Variants in CPA3 observed in about 807,000 individuals in gnomAD.
CPA3 encodes carboxypeptidase A3.
CPA3 carries 52 observed loss-of-function variants against 55.8 expected under a neutral mutation model. The observed-to-expected ratio is 0.93, with a 90% CI of 0.75 to 1.17. CPA3 has a LOEUF of 1.17. Ranked by LOEUF, CPA3 falls within the 50% of genes most tolerant of loss-of-function variation. The pLI, the probability that CPA3 is intolerant of heterozygous loss-of-function variation, is 0.00. For missense variants in CPA3, 547 were observed against 509.1 expected (o/e 1.07, Z -0.72); for synonymous variants, 179 against 171.2 (o/e 1.05, Z -0.36).
chr3:148,865,398 C>T (rs370306676), intron 1 of CPA3, 23 bp downstream of exon 1: 264 of 1,613,712 alleles, frequency 1.6e-4, no homozygotes, highest in Admixed American at 4.5e-4. Context: ...TCCTGTGTTC[C>T]AGTCTCTGTG....
At chr3:148,866,390 T>C (rs1311304852) in intron 2 of CPA3, among the ~76,000 whole-genome samples, 3 of 152,214 alleles carry the variant, frequency 2.0e-5, no homozygotes, top group African/African-American at 4.8e-5. Context: ...GCAAGGAGAA[T>C]TTCCATAGTC....
intron 6 of CPA3, among the ~76,000 whole-genome samples, chr3:148,880,342 T>C (rs1253727618): frequency 6.6e-6 from 1 of 151,746 alleles, no homozygotes; most frequent in East Asian, 1.9e-4. Context: ...TTTCTTTTTT[T>C]TTTTTTTGAG....
At chr3:148,892,856 T>TTGTCCCGGCTACTTGGGAGGCTG (rs1559972062) in intron 10 of CPA3, among the ~76,000 whole-genome samples, 4 of 151,128 alleles carry the variant, frequency 2.6e-5, no homozygotes. Context: ...CAGGCGCCTG[T>TTGTCCCGGCTACTTGGGAGGCTG]AGAGAGGAGA....
At chr3:148,884,448 A>G (rs1452070337) in intron 9 of CPA3, among the ~76,000 whole-genome samples, 1 of 152,220 alleles carries the variant, frequency 6.6e-6, no homozygotes, top group East Asian at 1.9e-4. Context: ...GCATAGAGGG[A>G]TAAATATTTT....
At chr3:148,875,988 A>C (rs569812456) in intron 3 of CPA3, among the ~76,000 whole-genome samples, 2 of 152,282 alleles carry the variant, frequency 1.3e-5, no homozygotes, top group South Asian at 4.1e-4. Flanking sequence ...CAAGGAAAAA[A>C]AGAAATAGTT....
intron 2 of CPA3, among the ~76,000 whole-genome samples, chr3:148,867,585 C>G (rs1713938851): frequency 6.6e-6 from 1 of 152,254 alleles, no homozygotes; most frequent in South Asian, 2.1e-4. Flanking sequence ...TAAGATGGCT[C>G]TGCCTAACTT....
chr3:148,872,247 T>C (rs989126493), intron 3 of CPA3, among the ~76,000 whole-genome samples: 3 of 152,128 alleles, frequency 2.0e-5, no homozygotes, highest in Admixed American at 2.0e-4. Context: ...CAAACAAATA[T>C]CAAAGGGAAG....
At chr3:148,871,839 A>G (rs766661099) in intron 3 of CPA3, among the ~76,000 whole-genome samples, 1 of 152,222 alleles carries the variant, frequency 6.6e-6, no homozygotes, top group Non-Finnish European at 1.5e-5. Flanking sequence ...TGCAGACAAG[A>G]ACTACTTAAA....
intron 10 of CPA3, among the ~76,000 whole-genome samples, chr3:148,894,045 A>C (rs1714754559): frequency 6.6e-6 from 1 of 152,248 alleles, no homozygotes; most frequent in African/African-American, 2.4e-5. Flanking sequence ...AGAAGGAAAT[A>C]ATCACAGCAA....
chr3:148,885,478 T>C (rs539913778), intron 9 of CPA3, among the ~76,000 whole-genome samples: 161 of 149,230 alleles, frequency 1.1e-3, no homozygotes, highest in African/African-American at 3.8e-3. Flanking sequence ...TGGCGCAATC[T>C]TGGCTCACTA....
Position 148,879,804 on chromosome 3 carries a change from AAAGAAGAAAGGCTATTTTTACGG to A in CPA3, c.493_515del (p.Arg165LeufsTer49). ...TTTAAATAGATTGGGGAAAAGAATG[AAAGAAGAAAGGCTATTTTTACGG>A]ATTGTGGCATTCACGCACGAGAATG... is the stretch of plus-strand genomic sequence containing the variant. On this transcript the variant is annotated frameshift_variant, in exon 6 of 11. Coordinates refer to ENST00000296046, the MANE Select transcript of CPA3 (RefSeq NM_001870.4). LOFTEE classifies it high-confidence loss of function. 6.2e-7 allele frequency: 1 copy of A among 1,609,574 alleles called. No individual in the cohort carries two copies.
At position 148,867,975 on chromosome 3, in the gene CPA3, A is replaced by G. The variant is rs59202854; in HGVS notation, c.145-940A>G. On this transcript the variant is annotated intron_variant, in intron 2 of 10. Coordinates refer to ENST00000296046, the MANE Select transcript of CPA3 (RefSeq NM_001870.4). ...CAATAGCGAGATCTCGGCTCACTGC[A>G]ACCTCCACCTCCCAGGTTCAAGCAA... is the stretch of plus-strand genomic sequence containing the variant. 5.9e-3 allele frequency among the ~76,000 whole-genome samples: 905 copies of G among 152,234 alleles called. 9 individuals are homozygous for G. Among genetic ancestry groups the G allele is most frequent in the African/African-American group, 0.021 (868 of 41,536 alleles).
intron 10 of CPA3, among the ~76,000 whole-genome samples, chr3:148,891,248 A>C (rs756946485): frequency 7.9e-5 from 12 of 152,174 alleles, no homozygotes; most frequent in Non-Finnish European, 1.3e-4. Context: ...TTATTACTGT[A>C]TTTTATAAAT....
At chr3:148,887,353 A>G (rs1333781457) in intron 10 of CPA3, among the ~76,000 whole-genome samples, 1 of 152,172 alleles carries the variant, frequency 6.6e-6, no homozygotes, top group East Asian at 1.9e-4. Context: ...TGGAGTCTTT[A>G]CAAGTTAGGC....
chr3:148,868,016 C>T (rs145920926), intron 2 of CPA3, among the ~76,000 whole-genome samples: 5 of 152,298 alleles, frequency 3.3e-5, no homozygotes, highest in African/African-American at 7.2e-5. Context: ...CTGCATCAGC[C>T]TCCCGAGTAG....
chr3:148,873,374 C>CGT (rs1308215307), intron 3 of CPA3, among the ~76,000 whole-genome samples: 1,457 of 120,022 alleles, frequency 0.012, 50 homozygotes, highest in Admixed American at 0.089. Flanking sequence ...CGCGCGCACA[C>CGT]GCGCACACAC....
chr3:148,879,063 C>T (rs1011995802), intron 5 of CPA3, among the ~76,000 whole-genome samples: 6 of 152,152 alleles, frequency 3.9e-5, no homozygotes, highest in African/African-American at 1.2e-4. Context: ...TGCAGTGAAA[C>T]TGATGAATGA....
At chr3:148,894,802 C>T (rs1714780656) in intron 10 of CPA3, among the ~76,000 whole-genome samples, 3 of 152,022 alleles carry the variant, frequency 2.0e-5, no homozygotes, top group African/African-American at 7.2e-5. Context: ...ACCAATTTCA[C>T]CTATGATGTC....
Position 148,879,389 on chromosome 3 carries a change from T to A in CPA3, c.475-399T>A, listed in dbSNP as rs1714298993. Among the ~76,000 whole-genome samples, 3 of 152,068 alleles carry A rather than the reference T, an allele frequency of 2.0e-5. No homozygotes were observed. The South Asian group carries it at 6.2e-4, about 32-fold the overall frequency. ...TTCCCCACTCCAACACAACACAAGA[T>A]CTTCTCCATTCCAGGGTAAATATCC... On this transcript the variant is annotated intron_variant, in intron 5 of 10. Coordinates refer to ENST00000296046, the MANE Select transcript of CPA3 (RefSeq NM_001870.4).
Sources: gnomAD v4.1 joint callset for allele counts (sites outside exome capture counted in the v4.1 genomes callset) on GRCh38, gnomAD v4.1.1 for gene constraint, MANE v1.5 for transcripts, NCBI Gene and HGNC (gene_info 2026-07-23, HGNC 2026-07-21) for gene names.